Variants in KCTD8 observed in about 807,000 individuals in gnomAD.
KCTD8 encodes the protein potassium channel tetramerization domain containing 8.
KCTD8 carries 27 observed loss-of-function variants against 31.5 expected under a neutral mutation model. The ratio of observed to expected loss-of-function variants is 0.86; its 90% CI spans 0.63 to 1.18. The LOEUF (loss-of-function observed/expected upper bound fraction) is 1.18. Ranked by LOEUF, KCTD8 falls within the 50% of genes most tolerant of loss-of-function variation. KCTD8 has a pLI of 0.00. For synonymous variants in KCTD8, 290 were observed against 280.0 expected (o/e 1.04, Z -0.36); for missense variants, 658 against 647.7 (o/e 1.02, Z -0.17).
intron 1 of KCTD8, among the ~76,000 whole-genome samples, chr4:44,221,269 C>A (rs1010511689): frequency 6.6e-6 from 1 of 151,912 alleles, no homozygotes; most frequent in South Asian, 2.1e-4. Flanking sequence ...AATGATGGGG[C>A]TATTTCTTGT....
intron 1 of KCTD8, among the ~76,000 whole-genome samples, chr4:44,344,291 C>T (rs1383265815): frequency 1.3e-5 from 2 of 151,546 alleles, no homozygotes; most frequent in East Asian, 3.9e-4. Flanking sequence ...CTCAAGTGAT[C>T]CTCCCACCTC....
chr4:44,419,107 A>C (rs1721147218), intron 1 of KCTD8, among the ~76,000 whole-genome samples: 1 of 152,176 alleles, frequency 6.6e-6, no homozygotes, highest in Non-Finnish European at 1.5e-5. Context: ...CCAAATCTCC[A>C]AATAAAAACA....
At position 44,404,970 on chromosome 4, in the gene KCTD8, G is replaced by C. The variant is rs999290812; in HGVS notation, c.961+42593C>G. 5.9e-5 allele frequency among the ~76,000 whole-genome samples: 9 copies of C among 152,076 alleles called. 1 individual carries two copies. The highest frequency in any genetic ancestry group is 5.2e-4 in the Admixed American group (8 of 15,284). On this transcript the variant is annotated intron_variant, in intron 1 of 1. Transcript: ENST00000360029. ...AAGTACAATACTCTGGGTTTCTTTG[G>C]ACAAAGCTACTTCAAAAAGCTAAAA...
At chr4:44,371,722 C>T (rs1360367531) in intron 1 of KCTD8, among the ~76,000 whole-genome samples, 3 of 152,278 alleles carry the variant, frequency 2.0e-5, no homozygotes, top group East Asian at 3.9e-4. Flanking sequence ...TTATGAGTTA[C>T]AACCCTGCTG....
intron 1 of KCTD8, among the ~76,000 whole-genome samples, chr4:44,414,280 T>C (rs907652891): frequency 2.6e-5 from 4 of 152,116 alleles, no homozygotes; most frequent in Admixed American, 6.6e-5. Context: ...GTATGCTGAT[T>C]ATTAGAAAAG....
intron 1 of KCTD8, among the ~76,000 whole-genome samples, chr4:44,338,871 GA>G (rs1450994491): frequency 6.6e-6 from 1 of 152,036 alleles, no homozygotes; most frequent in South Asian, 2.1e-4. Context: ...GATTTTAATA[GA>G]AAAAAGCTCT....
intron 1 of KCTD8, among the ~76,000 whole-genome samples, chr4:44,313,903 C>T (rs903141639): frequency 6.6e-6 from 1 of 152,152 alleles, no homozygotes; most frequent in African/African-American, 2.4e-5. Flanking sequence ...GCCTGTAAGG[C>T]ATATCTGCCA....
chr4:44,301,489 A>G (rs1314430013), intron 1 of KCTD8, among the ~76,000 whole-genome samples: 1 of 152,198 alleles, frequency 6.6e-6, no homozygotes, highest in South Asian at 2.1e-4. Context: ...ATTTTTTCAT[A>G]TGTCTTTTGG....
intron 1 of KCTD8, among the ~76,000 whole-genome samples, chr4:44,199,291 C>A (rs1330966553): frequency 2.0e-5 from 3 of 152,148 alleles, no homozygotes; most frequent in East Asian, 3.9e-4. Context: ...GACACTCAAC[C>A]ATTTGGACCA....
intron 1 of KCTD8, among the ~76,000 whole-genome samples, chr4:44,308,121 A>T (rs1237417312): frequency 6.6e-6 from 1 of 152,014 alleles, no homozygotes; most frequent in Non-Finnish European, 1.5e-5. Flanking sequence ...TTTATATAGA[A>T]TCCAGTGATT....
intron 1 of KCTD8, among the ~76,000 whole-genome samples, chr4:44,390,121 C>A (rs2109449599): frequency 6.6e-6 from 1 of 152,036 alleles, no homozygotes; most frequent in African/African-American, 2.4e-5. Flanking sequence ...TTTTGTTGTG[C>A]AGAAGCATTT....
At chr4:44,202,000 C>T (rs948255666) in intron 1 of KCTD8, among the ~76,000 whole-genome samples, 1 of 152,040 alleles carries the variant, frequency 6.6e-6, no homozygotes, top group Non-Finnish European at 1.5e-5. Context: ...ACACATACTT[C>T]TGGAAAGAAG....
intron 1 of KCTD8, among the ~76,000 whole-genome samples, chr4:44,224,860 T>G (rs1714908332): frequency 6.6e-6 from 1 of 151,080 alleles, no homozygotes; most frequent in Admixed American, 6.6e-5. Context: ...ACCAGGTCCA[T>G]GTCCACCCAG....
chr4:44,345,191 T>C (rs1346275926), intron 1 of KCTD8, among the ~76,000 whole-genome samples: 1 of 152,154 alleles, frequency 6.6e-6, no homozygotes, highest in Non-Finnish European at 1.5e-5. Flanking sequence ...GAACAATAAG[T>C]TAGCCTTTAA....
chr4:44,382,701 G>A (rs1029709680), intron 1 of KCTD8, among the ~76,000 whole-genome samples: 1 of 149,834 alleles, frequency 6.7e-6, no homozygotes, highest in African/African-American at 2.5e-5. Flanking sequence ...TTGCATACCA[G>A]CCTGGGCAAC....
At chr4:44,261,035 G>A (rs1716145783) in intron 1 of KCTD8, among the ~76,000 whole-genome samples, 1 of 151,986 alleles carries the variant, frequency 6.6e-6, no homozygotes, top group South Asian at 2.1e-4. Flanking sequence ...GGTCTTCGTG[G>A]TGGGGATTAG....
intron 1 of KCTD8, among the ~76,000 whole-genome samples, chr4:44,244,751 C>A (rs1323239235): frequency 6.6e-6 from 1 of 151,126 alleles, no homozygotes; most frequent in Non-Finnish European, 1.5e-5. Context: ...CAGGAAGTAT[C>A]TAAACAGGCA....
intron 1 of KCTD8, among the ~76,000 whole-genome samples, chr4:44,319,782 G>T (rs1236948373): frequency 6.6e-6 from 1 of 152,110 alleles, no homozygotes; most frequent in East Asian, 1.9e-4. Flanking sequence ...GAAACTGGAA[G>T]TTGCAAATTA....
intron 1 of KCTD8, among the ~76,000 whole-genome samples, chr4:44,182,514 G>A (rs1055462495): frequency 1.3e-5 from 2 of 152,170 alleles, no homozygotes; most frequent in Non-Finnish European, 1.5e-5. Flanking sequence ...TCTGAAACAT[G>A]TGCTGTGTCC....
Sources: allele counts gnomAD v4.1 joint callset (sites outside exome capture counted in the v4.1 genomes callset), GRCh38; gene constraint gnomAD v4.1.1; transcripts MANE v1.5; gene names NCBI Gene and HGNC (gene_info 2026-07-23, HGNC 2026-07-21).